The following PIANP variants were observed in gnomAD, a reference collection of about 807,000 sequenced individuals.
PIANP encodes the protein PILR alpha associated neural protein.
Under a neutral mutation model 28.9 loss-of-function variants are expected in PIANP, and 14 were observed. That is an observed-to-expected ratio of 0.49 (90% CI 0.32 to 0.76). PIANP has a LOEUF of 0.76. PIANP is among the 30% of genes least tolerant of loss of function. The pLI is 0.03. For missense variants in PIANP, 322 were observed against 371.8 expected (o/e 0.87, Z 1.10); for synonymous variants, 149 against 156.6 (o/e 0.95, Z 0.36).
intron 1 of PIANP, among the ~76,000 whole-genome samples, chr12:6,699,071 C>T (rs1028124597): frequency 1.3e-5 from 2 of 152,088 alleles, no homozygotes; most frequent in African/African-American, 4.8e-5. Context: ...TAGTGAAACC[C>T]CGTGTCTACT....
In PIANP at chr12:6,694,864, G is replaced by T; in HGVS notation, c.*562C>A. 2.6e-6 allele frequency: 2 copies of T among 757,692 alleles called. No individual in the cohort carries two copies. Among genetic ancestry groups the T allele is most frequent in the Non-Finnish European group, 4.0e-6 (2 of 494,164 alleles). 46.9% of individuals were successfully genotyped at this position (757,692 alleles called of 1,614,324 possible). A position where few individuals can be genotyped will look rare whatever the true frequency, so the allele number is the denominator to read the frequency against. ...ATGTGAGGCCCCCACCTGCAGGAGG[G>T]CGAGCAGATAGGATTGCCCGTGGGG... On this transcript the variant is annotated 3_prime_UTR_variant, in exon 5 of 5. Transcript: ENST00000534837. The surrounding 1 kb of genome is among the most constrained non-coding windows in gnomAD (Gnocchi z 6.1).
At position 6,694,953 on chromosome 12, in the gene PIANP, C is replaced by A; in HGVS notation, c.*473G>T. ...CAGGAGCCCCTGTGGCCCCAGCTCC[C>A]CACAGCTGCCCCACCCTCAGTGGGA... On this transcript the variant is annotated 3_prime_UTR_variant, in exon 5 of 5. Transcript: ENST00000534837. The surrounding 1 kb of genome is among the most constrained non-coding windows in gnomAD (Gnocchi z 6.1). The A allele has an allele frequency of 8.9e-6, 13 of 1,463,028 alleles. No homozygotes were observed. The highest frequency in any genetic ancestry group is 1.2e-5 in the Non-Finnish European group (13 of 1,096,504). The allele number at this position is 1,463,028 out of a possible 1,614,324, so 90.6% of individuals were successfully genotyped here.
rs776888109 is a variant in PIANP at position 6,697,569 on chromosome 12, G to T, written c.241C>A (p.Leu81Met). The stretch of plus-strand genomic sequence containing the variant: ...GTGGCTGGGGGTGCAGTGCCAGGCA[G>T]GACTTGCCGACGTGATCTTGGGACC... ...PRVPRSRRQVLPGTAPPATPS... is the reference protein window; with the variant it reads ...PRVPRSRRQVMPGTAPPATPS... The change falls in exon 3 of 5, where the codon CTG becomes ATG. Residue 81 changes from leucine (L) to methionine (M), a missense_variant. By Grantham distance (15) the Leu-to-Met change is conservative (BLOSUM62 2). Transcript: ENST00000534837. The surrounding 1 kb of genome is among the most constrained non-coding windows in gnomAD (Gnocchi z 6.9). The T allele has an allele frequency of 6.3e-7, 1 of 1,598,462 alleles. No individual in the cohort carries two copies. Among genetic ancestry groups the T allele is most frequent in the African/African-American group, 1.3e-5 (1 of 74,812 alleles).
chr12:6,698,329 C>T, intron 1 of PIANP: 1 of 578,678 alleles, frequency 1.7e-6, no homozygotes, highest in Non-Finnish European at 3.1e-6. Context: ...GTCCCTGTTA[C>T]CTCTCCACCC....
chr12:6,697,935 C>T lies in PIANP; in HGVS notation c.17+110G>A. The T allele has an allele frequency of 6.6e-7, 1 of 1,521,354 alleles. No individual in the cohort carries two copies. Among genetic ancestry groups the T allele is most frequent in the Admixed American group, 2.0e-5 (1 of 49,792 alleles). The allele number at this position is 1,521,354 out of a possible 1,614,324, so 94.2% of individuals were successfully genotyped here. ...AAGACTCGCCTCATTTCCCATCTTC[C>T]AAAGGAGGATGGCCCTCAGGATGGG... On this transcript the variant is annotated intron_variant, in intron 2 of 4. Transcript: ENST00000534837. The surrounding 1 kb of genome is among the most constrained non-coding windows in gnomAD (Gnocchi z 6.9).
At position 6,695,745 on chromosome 12, in the gene PIANP, C is replaced by T; in HGVS notation, c.606-94G>A. 2.3e-6 allele frequency: 3 copies of T among 1,311,854 alleles called. No individual in the cohort carries two copies. The highest frequency in any genetic ancestry group is 2.9e-5 in the East Asian group (1 of 34,736). 81.3% of individuals were successfully genotyped at this position (1,311,854 alleles called of 1,614,324 possible). A position where few individuals can be genotyped will look rare whatever the true frequency, so the allele number is the denominator to read the frequency against. On this transcript the variant is annotated intron_variant, in intron 4 of 4. Coordinates refer to ENST00000534837, the MANE Select transcript of PIANP (RefSeq NM_001244014.2). The surrounding 1 kb of genome is among the most constrained non-coding windows in gnomAD (Gnocchi z 4.2). ...GGTCACCCCCAGCCTCGCCCAGTCACTCCCAACATCTTATAGCAGAGAAAC... is the reference window on the plus strand; with the variant it reads ...GGTCACCCCCAGCCTCGCCCAGTCATTCCCAACATCTTATAGCAGAGAAAC...
In PIANP at chr12:6,695,085, C is replaced by T. The variant is rs1489967755; in HGVS notation, c.*341G>A. 3 of 1,571,872 alleles carry T rather than the reference C, an allele frequency of 1.9e-6. No homozygotes were observed. Among genetic ancestry groups the T allele is most frequent in the Admixed American group, 1.9e-5 (1 of 53,606 alleles). Reference sequence around the variant, plus strand: ...GAGAGGAAGAGGGAAAGGGCACAGTCAGGAACCAAGGGGTAGGCCAGAATA... The same window carrying T: ...GAGAGGAAGAGGGAAAGGGCACAGTTAGGAACCAAGGGGTAGGCCAGAATA... On this transcript the variant is annotated 3_prime_UTR_variant, in exon 5 of 5. Coordinates refer to ENST00000534837, the MANE Select transcript of PIANP (RefSeq NM_001244014.2). This position sits in a 1 kb window ranked among gnomAD's most constrained non-coding sequence, Gnocchi z 4.2.
chr12:6,697,560 T>C lies in PIANP; in HGVS notation c.250A>G (p.Thr84Ala), dbSNP rs1959907540. The C allele has an allele frequency of 6.2e-7, 1 of 1,602,852 alleles. No homozygotes were observed. The highest frequency in any genetic ancestry group is 1.7e-5 in the Admixed American group (1 of 57,610). ...PRSRRQVLPG[T>A]APPATPSGFE... ...CCTGATGGGGTGGCTGGGGGTGCAG[T>C]GCCAGGCAGGACTTGCCGACGTGAT... Residue 84 changes from threonine to alanine, a missense_variant, in exon 3 of 5, where the codon ACT (threonine) becomes GCT (alanine). Physicochemically the swap from Thr to Ala is moderately conservative, Grantham distance 58. Coordinates refer to ENST00000534837, the MANE Select transcript of PIANP (RefSeq NM_001244014.2). This position sits in a 1 kb window ranked among gnomAD's most constrained non-coding sequence, Gnocchi z 6.9.
Position 6,695,328 on chromosome 12 carries a change from C to A in PIANP, c.*98G>T, listed in dbSNP as rs895823968. 22 of 1,400,054 alleles carry A rather than the reference C, an allele frequency of 1.6e-5. No homozygotes were observed. In the African/African-American group the frequency reaches 2.9e-4, roughly 19 times the overall value. 86.7% of individuals were successfully genotyped at this position (1,400,054 alleles called of 1,614,324 possible). ...GGGCCAGGGGCTGTGGGAGGCCACG[C>A]CTGCCTCCTCACTACCCATCCAGAG... On this transcript the variant is annotated 3_prime_UTR_variant, in exon 5 of 5. Transcript: ENST00000534837. This position sits in a 1 kb window ranked among gnomAD's most constrained non-coding sequence, Gnocchi z 4.2.
chr12:6,696,696 C>T lies in PIANP; in HGVS notation c.524-172G>A, dbSNP rs1959874710. The stretch of plus-strand genomic sequence containing the variant: ...ACTCTTTATTATCACCAGCATTCCC[C>T]TGAGTTTTCAGCTCTTTTCCTCCAC... On this transcript the variant is annotated intron_variant, in intron 3 of 4. Transcript: ENST00000534837. The surrounding 1 kb of genome is among the most constrained non-coding windows in gnomAD (Gnocchi z 4.0). Among the ~76,000 whole-genome samples the T allele has an allele frequency of 6.6e-6, 1 of 152,200 alleles. No homozygotes were observed. Among genetic ancestry groups the T allele is most frequent in the African/African-American group, 2.4e-5 (1 of 41,452 alleles).
At position 6,695,525 on chromosome 12, in the gene PIANP, G is replaced by C. The variant is rs1225537512; in HGVS notation, c.732C>G (p.Asp244Glu). The C allele has an allele frequency of 6.3e-7, 1 of 1,580,276 alleles. No homozygotes were observed. Among genetic ancestry groups the C allele is most frequent in the Non-Finnish European group, 8.6e-7 (1 of 1,161,938 alleles). The change falls in exon 5 of 5, where the codon GAC becomes GAG. Residue 244 changes from aspartate to glutamate, a missense_variant. Physicochemically the swap from Asp to Glu is conservative, Grantham distance 45. Transcript: ENST00000534837. The surrounding 1 kb of genome is among the most constrained non-coding windows in gnomAD (Gnocchi z 4.2). ...CATGGTCAGGGGTGGGGGTAGGTGA[G>C]TCCCCGAAGGCCCCCAGCACAGTGA... is the stretch of plus-strand genomic sequence containing the variant. ...AGVTVLGAFG[D>E]SPTPTPDHEE...
In PIANP at chr12:6,697,324, G is replaced by A. The variant is rs1372842686; in HGVS notation, c.486C>T (p.Ala162=). The change falls in exon 3 of 5, where the codon GCC becomes GCT. Residue 162 remains alanine, a synonymous_variant. Transcript: ENST00000534837. The surrounding 1 kb of genome is among the most constrained non-coding windows in gnomAD (Gnocchi z 6.9). ...CCCCGAACAGGAATGGCCGCAGGGT[G>A]GCAGGTGCCTCTCCAAGGATAAGCC... ...GDGLILGEAP[A]TLRPFLFGGR... The A allele has an allele frequency of 6.2e-6, 10 of 1,613,894 alleles. No individual in the cohort carries two copies. The highest frequency in any genetic ancestry group is 1.7e-5 in the Admixed American group (1 of 60,008).
Position 6,696,653 on chromosome 12 carries a change from C to A in PIANP, c.524-129G>T. 1 of 564,532 alleles carries A rather than the reference C, an allele frequency of 1.8e-6. No homozygotes were observed. The highest frequency in any genetic ancestry group is 3.2e-5 in the South Asian group (1 of 31,132). The allele number at this position is 564,532 out of a possible 1,614,324, so 35.0% of individuals were successfully genotyped here. ...TGTGGATCCACACTGCCGGCTCTGT[C>A]TGCCCCTCTGGAGCCTCACTCTTTA... On this transcript the variant is annotated intron_variant, in intron 3 of 4. Transcript: ENST00000534837. This position sits in a 1 kb window ranked among gnomAD's most constrained non-coding sequence, Gnocchi z 4.0.
Position 6,697,795 on chromosome 12 carries a change from G to A in PIANP, c.18-3C>T, listed in dbSNP as rs1448288189. 6.5e-7 allele frequency: 1 copy of A among 1,532,124 alleles called. No individual in the cohort carries two copies. Among genetic ancestry groups the A allele is most frequent in the East Asian group, 2.3e-5 (1 of 42,834 alleles). 94.9% of individuals were successfully genotyped at this position (1,532,124 alleles called of 1,614,324 possible). A position where few individuals can be genotyped will look rare whatever the true frequency, so the allele number is the denominator to read the frequency against. Reference sequence around the variant, plus strand: ...GGTGGGACAGCAGCAGCGCAGGCCTGCAAGAAGGGAGAGAGCGTGGCTGAG... The same window carrying A: ...GGTGGGACAGCAGCAGCGCAGGCCTACAAGAAGGGAGAGAGCGTGGCTGAG... On this transcript the variant is annotated splice_region_variant and splice_polypyrimidine_tract_variant and intron_variant, in intron 2 of 4. Transcript: ENST00000534837. This position sits in a 1 kb window ranked among gnomAD's most constrained non-coding sequence, Gnocchi z 6.9.
downstream of PIANP, among the ~76,000 whole-genome samples, chr12:6,693,043 A>C (rs974830245): frequency 6.6e-6 from 1 of 152,024 alleles, no homozygotes; most frequent in African/African-American, 2.4e-5. Context: ...GATAGATGGG[A>C]CCTGGGTGGT....
Position 6,700,190 on chromosome 12 carries a change from C to G in PIANP, c.-44+424G>C, listed in dbSNP as rs1196567158. 6.6e-6 allele frequency: 1 copy of G among 152,178 alleles called. No individual in the cohort carries two copies. The highest frequency in any genetic ancestry group is 1.5e-5 in the Non-Finnish European group (1 of 68,154). 9.4% of individuals were successfully genotyped at this position (152,178 alleles called of 1,614,324 possible). ...GGGCAGGAGCCTCGGGGTGCGGGAG[C>G]CGGGCCCCAGCCCCAGCGTGGCCCC... On this transcript the variant is annotated intron_variant, in intron 1 of 4. Coordinates refer to ENST00000534837, the MANE Select transcript of PIANP (RefSeq NM_001244014.2). The surrounding 1 kb of genome is among the most constrained non-coding windows in gnomAD (Gnocchi z 5.5).
chr12:6,695,074 A>C lies in PIANP; in HGVS notation c.*352T>G. On this transcript the variant is annotated 3_prime_UTR_variant, in exon 5 of 5. Transcript: ENST00000534837. The surrounding 1 kb of genome is among the most constrained non-coding windows in gnomAD (Gnocchi z 4.2). ...AGGGGAATCCTGAGAGGAAGAGGGA[A>C]AGGGCACAGTCAGGAACCAAGGGGT... 6.3e-7 allele frequency: 1 copy of C among 1,575,550 alleles called. No homozygotes were observed. The highest frequency in any genetic ancestry group is 8.6e-7 in the Non-Finnish European group (1 of 1,160,008).
rs770181960 is a variant in PIANP, at chr12:6,695,040, A to G, written c.*386T>C. The G allele has an allele frequency of 2.5e-6, 4 of 1,570,172 alleles. No individual in the cohort carries two copies. In the South Asian group the frequency reaches 3.5e-5, roughly 14 times the overall value. ...TGCACCCCAACATTGGGGGCATCAC[A>G]GATTCACCAGGGGAATCCTGAGAGG... On this transcript the variant is annotated 3_prime_UTR_variant, in exon 5 of 5. Coordinates refer to ENST00000534837, the MANE Select transcript of PIANP (RefSeq NM_001244014.2). The surrounding 1 kb of genome is among the most constrained non-coding windows in gnomAD (Gnocchi z 4.2).
rs970913493 is a variant in PIANP, at chr12:6,695,172, A to G, written c.*254T>C. ...TTAAGAGGGCAGAGTTGTCTTAGAC[A>G]AGGTGGCATGAGAAAAAACCAAAGA... On this transcript the variant is annotated 3_prime_UTR_variant, in exon 5 of 5. Transcript: ENST00000534837. The surrounding 1 kb of genome is among the most constrained non-coding windows in gnomAD (Gnocchi z 4.2). 7.9e-5 allele frequency: 116 copies of G among 1,470,218 alleles called. No individual in the cohort carries two copies. Among genetic ancestry groups the G allele is most frequent in the Non-Finnish European group, 1.0e-4 (113 of 1,104,260 alleles). The allele number at this position is 1,470,218 out of a possible 1,614,324, so 91.1% of individuals were successfully genotyped here. A position where few individuals can be genotyped will look rare whatever the true frequency, so the allele number is the denominator to read the frequency against.
Sources: allele counts gnomAD v4.1 joint callset (sites outside exome capture counted in the v4.1 genomes callset), GRCh38; gene constraint gnomAD v4.1.1; non-coding constraint Gnocchi (gnomAD v3.1); transcripts MANE v1.5; gene names NCBI Gene and HGNC (gene_info 2026-07-23, HGNC 2026-07-21).